The following ADAM12 variants were observed in gnomAD, a reference collection of about 807,000 sequenced individuals.
ADAM12 encodes ADAM metallopeptidase domain 12.
In ADAM12, 70 loss-of-function variants were observed where a neutral mutation model predicts 106.4. That is an observed-to-expected ratio of 0.66 (90% CI 0.54 to 0.80). The LOEUF is 0.80. Ranked by LOEUF, ADAM12 falls within the 30% of genes least tolerant of loss-of-function variation. The probability of loss-of-function intolerance (pLI) is 0.00; values close to 1 mark genes in which losing one functional copy is unlikely to be tolerated. For missense variants in ADAM12, 1,010 were observed against 1,171.9 expected (o/e 0.86, Z 2.02); for synonymous variants, 420 against 433.5 (o/e 0.97, Z 0.39).
chr10:126,221,245 G>C (rs1029809891), intron 3 of ADAM12, among the ~76,000 whole-genome samples: 1 of 152,060 alleles, frequency 6.6e-6, no homozygotes, highest in Non-Finnish European at 1.5e-5. Context: ...TTAGTCAGGT[G>C]TGGTGGCACA....
At chr10:126,312,868 T>C (rs535531321) in intron 2 of ADAM12, among the ~76,000 whole-genome samples, 1 of 152,288 alleles carries the variant, frequency 6.6e-6, no homozygotes, top group Admixed American at 6.5e-5. Context: ...CGTGAACATA[T>C]GTGAGCCACA....
intron 3 of ADAM12, among the ~76,000 whole-genome samples, chr10:126,266,165 C>A (rs954618360): frequency 2.6e-5 from 4 of 152,152 alleles, no homozygotes; most frequent in African/African-American, 7.2e-5. Context: ...GGTCCCTGGG[C>A]TCCACAGGCC....
intron 12 of ADAM12, among the ~76,000 whole-genome samples, chr10:126,067,327 C>T (rs1287835953): frequency 6.6e-6 from 1 of 152,138 alleles, no homozygotes; most frequent in African/African-American, 2.4e-5. Flanking sequence ...TGGATGAGAC[C>T]CTTGAGCAGC....
intron 3 of ADAM12, among the ~76,000 whole-genome samples, chr10:126,253,697 G>C (rs2279755): frequency 0.22 from 33,845 of 152,010 alleles, 4,510 homozygotes; most frequent in Middle Eastern, 0.3. Flanking sequence ...TGGGTTGGGT[G>C]GGGGGAGGGC....
intron 11 of ADAM12, among the ~76,000 whole-genome samples, chr10:126,077,762 G>T (rs1955130728): frequency 6.6e-6 from 1 of 152,152 alleles, no homozygotes; most frequent in South Asian, 2.1e-4. Flanking sequence ...ATGGATTAAA[G>T]ATTTAAAGGT....
At chr10:126,138,876 G>A (rs185216470) in intron 4 of ADAM12, among the ~76,000 whole-genome samples, 2 of 149,590 alleles carry the variant, frequency 1.3e-5, no homozygotes, top group East Asian at 3.9e-4. Flanking sequence ...TAGCCATCTT[G>A]AATTAATTTT....
chr10:126,061,282 C>T (rs1954750319), intron 14 of ADAM12, among the ~76,000 whole-genome samples: 1 of 152,166 alleles, frequency 6.6e-6, no homozygotes, highest in Non-Finnish European at 1.5e-5. Flanking sequence ...TAGCATAGAA[C>T]CACATATATT....
At chr10:126,320,835 G>C (rs1854068926) in intron 2 of ADAM12, among the ~76,000 whole-genome samples, 1 of 152,108 alleles carries the variant, frequency 6.6e-6, no homozygotes, top group Non-Finnish European at 1.5e-5. Flanking sequence ...TGTCACAAAT[G>C]AACTACACAA....
At chr10:126,069,217 T>G (rs969205313) in intron 12 of ADAM12, among the ~76,000 whole-genome samples, 5 of 152,152 alleles carry the variant, frequency 3.3e-5, no homozygotes, top group African/African-American at 1.2e-4. Context: ...CAAACACAAT[T>G]TGAGTTTGAA....
At chr10:126,122,896 A>C (rs1956140385) in intron 5 of ADAM12, among the ~76,000 whole-genome samples, 2 of 152,260 alleles carry the variant, frequency 1.3e-5, no homozygotes, top group Non-Finnish European at 2.9e-5. Flanking sequence ...AAATAAGCTG[A>C]ACACTTAACT....
intron 21 of ADAM12, among the ~76,000 whole-genome samples, chr10:126,027,708 C>A (rs1245659739): frequency 6.6e-6 from 1 of 152,160 alleles, no homozygotes; most frequent in Non-Finnish European, 1.5e-5. Context: ...ATTAAAGGAA[C>A]ATACCTCAAA....
In ADAM12 at chr10:126,026,363, C is replaced by T. The variant is rs568784235; in HGVS notation, c.2530-6538G>A. Among the ~76,000 whole-genome samples, 350 of 152,222 alleles carry T rather than the reference C, an allele frequency of 2.3e-3. 2 individuals carry two copies. Among genetic ancestry groups the T allele is most frequent in the African/African-American group, 7.7e-3 (321 of 41,548 alleles). On this transcript the variant is annotated intron_variant, in intron 21 of 22. Coordinates refer to ENST00000448723, the MANE Select transcript of ADAM12 (RefSeq NM_001288973.2). ...TTAGAGACCTGCAGACTTTAACACC[C>T]ACCTGACAATATTAGAAAATCAACA...
At chr10:126,298,235 A>G (rs1960467235) in intron 2 of ADAM12, among the ~76,000 whole-genome samples, 1 of 152,176 alleles carries the variant, frequency 6.6e-6, no homozygotes, top group Non-Finnish European at 1.5e-5. Flanking sequence ...AAAAAACCAC[A>G]GGCAATAGAA....
At position 126,281,955 on chromosome 10, in the gene ADAM12, C is replaced by G. The variant is rs148415082; in HGVS notation, c.187-2967G>C. On this transcript the variant is annotated intron_variant, in intron 2 of 22. Coordinates refer to ENST00000448723, the MANE Select transcript of ADAM12 (RefSeq NM_001288973.2). ...ATTAAAATAAACACCAGGGCACCTA[C>G]TACCCAGCTGAAAAAGCAGACTATT... Among the ~76,000 whole-genome samples, 851 of 152,352 alleles carry G rather than the reference C, an allele frequency of 5.6e-3. 5 individuals carry two copies. Among genetic ancestry groups the G allele is most frequent in the Non-Finnish European group, 8.4e-3 (570 of 68,042 alleles).
chr10:126,360,816 T>C (rs553795930), intron 1 of ADAM12, among the ~76,000 whole-genome samples: 1 of 152,328 alleles, frequency 6.6e-6, no homozygotes, highest in South Asian at 2.1e-4. Flanking sequence ...TGGTACCAAT[T>C]TACTGTATTA....
At chr10:126,316,138 G>T (rs1467915597) in intron 2 of ADAM12, among the ~76,000 whole-genome samples, 1 of 152,166 alleles carries the variant, frequency 6.6e-6, no homozygotes, top group Non-Finnish European at 1.5e-5. Context: ...CCTTATGTTT[G>T]TAGTGCAGGA....
At chr10:126,344,748 G>A (rs2133875416) in intron 1 of ADAM12, among the ~76,000 whole-genome samples, 2 of 152,214 alleles carry the variant, frequency 1.3e-5, no homozygotes, top group East Asian at 3.9e-4. Context: ...CATCCCTTGT[G>A]AGTTGGATTC....
rs1205726092 is a variant in ADAM12, at chr10:126,074,336, T to C, written c.1146-2682A>G. ...AGAGAACGTCCGTAGACCCCAGGGA[T>C]TGGAGAGCTGAGACCAGCTCCGTTC... On this transcript the variant is annotated intron_variant, in intron 11 of 22. Coordinates refer to ENST00000448723, the MANE Select transcript of ADAM12 (RefSeq NM_001288973.2). Among the ~76,000 whole-genome samples the C allele has an allele frequency of 2.0e-5, 3 of 152,288 alleles. No individual in the cohort carries two copies. In the South Asian group the frequency reaches 6.2e-4, roughly 32 times the overall value.
Position 126,224,078 on chromosome 10 carries a change from C to A in ADAM12, c.260+54837G>T, listed in dbSNP as rs186836547. Among the ~76,000 whole-genome samples the A allele has an allele frequency of 1.7e-3, 262 of 152,294 alleles. 4 individuals are homozygous for A. Among genetic ancestry groups the A allele is most frequent in the Admixed American group, 0.014 (221 of 15,298 alleles). On this transcript the variant is annotated intron_variant, in intron 3 of 22. Transcript: ENST00000448723. ...GCTAAGGCTGTGGGGCTCCAGACAT[C>A]TGGACTCCTGGGGAGGGGGCCTGGG... is the stretch of plus-strand genomic sequence containing the variant.
Sources: allele counts gnomAD v4.1 joint callset (sites outside exome capture counted in the v4.1 genomes callset), GRCh38; gene constraint gnomAD v4.1.1; transcripts MANE v1.5; gene names NCBI Gene and HGNC (gene_info 2026-07-23, HGNC 2026-07-21).